C2CD3: variants seen among roughly 807,000 people sequenced by gnomAD.
C2CD3 encodes C2 domain-containing protein 3.
A neutral mutation model predicts 234.0 loss-of-function variants in C2CD3; 148 were observed. The observed-to-expected ratio is 0.63, with a 90% CI of 0.55 to 0.72. C2CD3 has a LOEUF of 0.72. Ranked by LOEUF, C2CD3 falls within the 30% of genes least tolerant of loss-of-function variation. The pLI is 0.00. For missense variants in C2CD3, 2,577 were observed against 2,811.5 expected (o/e 0.92, Z 1.89); for synonymous variants, 1,000 against 1,035.4 (o/e 0.97, Z 0.66).
chr11:74,141,254 T>C (rs1169258285), intron 3 of C2CD3, among the ~76,000 whole-genome samples: 1 of 152,226 alleles, frequency 6.6e-6, no homozygotes, highest in Non-Finnish European at 1.5e-5. Flanking sequence ...ATTCTGTTCA[T>C]GAACCATAAT....
chr11:74,085,079 T>C (rs1485254284), intron 21 of C2CD3, 109 bp from the exon 22 acceptor site: 1 of 610,216 alleles, frequency 1.6e-6, no homozygotes, highest in African/African-American at 1.9e-5. Context: ...ATCTTAGTTT[T>C]GTAAAATGCA....
At chr11:74,079,134 C>T (rs563560099) in intron 22 of C2CD3, among the ~76,000 whole-genome samples, 1 of 152,256 alleles carries the variant, frequency 6.6e-6, no homozygotes, top group South Asian at 2.1e-4. Flanking sequence ...ACTATGAGTG[C>T]AACAGAAAAG....
chr11:74,067,517 G>A (rs1954597462), intron 24 of C2CD3, among the ~76,000 whole-genome samples: 1 of 148,182 alleles, frequency 6.7e-6, no homozygotes, highest in Non-Finnish European at 1.5e-5. Flanking sequence ...GGCTAGTCAA[G>A]GGAAGCAGTA....
chr11:74,125,567 C>A (rs184320142), intron 7 of C2CD3, among the ~76,000 whole-genome samples: 1 of 152,204 alleles, frequency 6.6e-6, no homozygotes, highest in African/African-American at 2.4e-5. Flanking sequence ...CTCTCTTATA[C>A]CATTACACTT....
At chr11:74,055,033 G>C (rs1953891098) in intron 25 of C2CD3, among the ~76,000 whole-genome samples, 1 of 152,222 alleles carries the variant, frequency 6.6e-6, no homozygotes, top group East Asian at 1.9e-4. Context: ...TGAGAGAATG[G>C]AGAGAAGGGA....
intron 3 of C2CD3, among the ~76,000 whole-genome samples, chr11:74,158,960 A>G (rs890281569): frequency 6.6e-6 from 1 of 152,204 alleles, no homozygotes; most frequent in African/African-American, 2.4e-5. Context: ...CACAAAAATT[A>G]AAAGTAGAAC....
intron 3 of C2CD3, among the ~76,000 whole-genome samples, chr11:74,143,703 G>A (rs7925988): frequency 0.22 from 33,500 of 151,442 alleles, 4,127 homozygotes; most frequent in Admixed American, 0.3. Flanking sequence ...CTAAAATTGC[G>A]TTGAAAAATT....
At position 74,110,187 on chromosome 11, in the gene C2CD3, C is replaced by A. The variant is rs534307473; in HGVS notation, c.1844-1035G>T. On this transcript the variant is annotated intron_variant, in intron 11 of 32. Transcript: ENST00000334126. The stretch of plus-strand genomic sequence containing the variant: ...CAGTTCTAATACTTACTATTACTTA[C>A]CACCGCAGAAACAATTTATCACCTA... 4.1e-5 allele frequency among the ~76,000 whole-genome samples: 6 copies of A among 146,390 alleles called. No individual in the cohort carries two copies. In the East Asian group the frequency reaches 9.7e-4, roughly 24 times the overall value.
At chr11:74,144,042 A>G (rs2135549187) in intron 3 of C2CD3, among the ~76,000 whole-genome samples, 1 of 152,296 alleles carries the variant, frequency 6.6e-6, no homozygotes, top group South Asian at 2.1e-4. Context: ...CTTAATATCT[A>G]TGGGTGCTAT....
Position 74,168,488 on chromosome 11 carries a change from C to G in C2CD3, c.181G>C (p.Val61Leu), listed in dbSNP as rs1856947628. The G allele has an allele frequency of 6.2e-7, 1 of 1,614,194 alleles. No individual in the cohort carries two copies. The highest frequency in any genetic ancestry group is 1.6e-4 in the Middle Eastern group (1 of 6,062). The change falls in exon 2 of 33, where the codon GTC (valine) becomes CTC (leucine). Residue 61 changes from valine to leucine, a missense_variant. Val to Leu is a conservative substitution (Grantham distance 32, BLOSUM62 1). Transcript: ENST00000334126. ...GTTTCTCCCCACCATCTCACTCGGA[C>G]AAGTACACAAGTGGGAGGCTTTGCA... ...KIAKPPTCVL[V>L]RVRWWGETSD...
intron 22 of C2CD3, among the ~76,000 whole-genome samples, chr11:74,083,811 G>A (rs1027960520): frequency 3.3e-5 from 5 of 152,180 alleles, no homozygotes; most frequent in African/African-American, 2.4e-5. Flanking sequence ...TGGAGAGGAT[G>A]TGGAGAAATA....
rs552735341 is a variant in C2CD3 at position 74,095,263 on chromosome 11, G to A, written c.3125C>T (p.Ser1042Phe). Residue 1042 changes from serine to phenylalanine, a missense_variant, in exon 17 of 33, where the codon TCC becomes TTC. By Grantham distance (155) the Ser-to-Phe change is radical. Coordinates refer to ENST00000334126, the MANE Select transcript of C2CD3 (RefSeq NM_001286577.2). ...GAACTCAGGTCCTTTCAGCACACTG[G>A]ATTGAGAGTGTTGAACTGGAAAGTA... ...QYYFPVQHSQSSVLKGPEFLE... is the reference protein window; with the variant it reads ...QYYFPVQHSQFSVLKGPEFLE... 1.2e-6 allele frequency: 2 copies of A among 1,613,564 alleles called. No homozygotes were observed. The highest frequency in any genetic ancestry group is 1.1e-5 in the South Asian group (1 of 91,014).
At chr11:74,159,436 T>C (rs1856286667) in intron 3 of C2CD3, among the ~76,000 whole-genome samples, 1 of 152,048 alleles carries the variant, frequency 6.6e-6, no homozygotes, top group African/African-American at 2.4e-5. Context: ...GACCTTCCAG[T>C]GGAACAAGAT....
intron 1 of C2CD3, 57 bp downstream of exon 1, chr11:74,170,681 T>C: frequency 6.2e-7 from 1 of 1,605,238 alleles, no homozygotes; most frequent in Non-Finnish European, 8.5e-7. Flanking sequence ...CTCCCTAAAA[T>C]TCCTTACACC....
At chr11:74,035,665 T>C (rs1293490163) in intron 30 of C2CD3, among the ~76,000 whole-genome samples, 1 of 152,020 alleles carries the variant, frequency 6.6e-6, no homozygotes, top group African/African-American at 2.4e-5. Flanking sequence ...AACAGCATAC[T>C]GAGGCATAAT....
In C2CD3 at chr11:74,042,211, T is replaced by C. The variant is rs1953099534; in HGVS notation, c.5503A>G (p.Thr1835Ala). The change falls in exon 29 of 33, where the codon ACC (threonine) becomes GCC (alanine). Residue 1835 changes from threonine to alanine, a missense_variant. By Grantham distance (58) the Thr-to-Ala change is moderately conservative. Transcript: ENST00000334126. ...TGGCGTGATGCTTGGCTTCTTGTGG[T>C]ATCACTTCTGTCAAAAAAAAAAAAA... is the stretch of plus-strand genomic sequence containing the variant. Reference protein sequence around the residue: ...LDFSSPGRSDTTRSQASRHEE... With the variant: ...LDFSSPGRSDATRSQASRHEE... 2.5e-6 allele frequency: 4 copies of C among 1,587,286 alleles called. No individual in the cohort carries two copies. In the East Asian group the frequency reaches 9.0e-5, roughly 36 times the overall value.
Position 74,034,034 on chromosome 11 carries a change from T to G in C2CD3, c.6126A>C (p.Val2042=). 2.6e-6 allele frequency: 4 copies of G among 1,536,500 alleles called. No homozygotes were observed. Among genetic ancestry groups the G allele is most frequent in the Non-Finnish European group, 3.5e-6 (4 of 1,146,988 alleles). Residue 2042 remains valine (V), a synonymous_variant, in exon 31 of 33, where the codon GTA becomes GTC. Coordinates refer to ENST00000334126, the MANE Select transcript of C2CD3 (RefSeq NM_001286577.2). ...RMLHESLRHA[V]PITRMQSSED... is the part of the protein sequence containing the mutation. ...CACTGCTCTGCATCCTTGTAATGGG[T>G]ACTGCATGCCTCAGGGACTCATGGA...
At chr11:74,096,167 G>A (rs1035283233) in intron 16 of C2CD3, among the ~76,000 whole-genome samples, 1 of 152,106 alleles carries the variant, frequency 6.6e-6, no homozygotes, top group South Asian at 2.1e-4. Flanking sequence ...TGCAGAGCTA[G>A]TAACAGTGGA....
chr11:74,161,189 T>C (rs1394614691), intron 3 of C2CD3, among the ~76,000 whole-genome samples: 1 of 152,120 alleles, frequency 6.6e-6, no homozygotes, highest in Non-Finnish European at 1.5e-5. Flanking sequence ...TGAAGGACTC[T>C]CGGAACTTGA....
Sources: gnomAD v4.1 joint callset for allele counts (sites outside exome capture counted in the v4.1 genomes callset) on GRCh38, gnomAD v4.1.1 for gene constraint, MANE v1.5 for transcripts, NCBI Gene and HGNC (gene_info 2026-07-23, HGNC 2026-07-21) for gene names.